The following KRT83 variants were observed in gnomAD, a reference collection of about 807,000 sequenced individuals.
KRT83 encodes keratin 83, also known as keratin, type II cuticular Hb3.
Under a neutral mutation model 52.9 loss-of-function variants are expected in KRT83, and 51 were observed. That is an observed-to-expected ratio of 0.96 (90% CI 0.77 to 1.22). The LOEUF is 1.22. KRT83 is among the 50% of genes most tolerant of loss of function. The pLI is 0.00. For missense variants in KRT83, 654 were observed against 666.5 expected, an observed-to-expected ratio of 0.98 and a Z score of 0.21; for synonymous variants, 278 against 274.1, an observed-to-expected ratio of 1.01 and a Z score of -0.14.
chr12:52,320,708 T>C (rs534809742), intron 1 of KRT83, among the ~76,000 whole-genome samples: 9 of 152,314 alleles, frequency 5.9e-5, no homozygotes, highest in Admixed American at 2.6e-4. Context: ...ATATTATCAC[T>C]CAGTGTGGAA....
At chr12:52,317,806 G>T (rs117028083) in intron 3 of KRT83, 30 bp from the exon 4 acceptor site, 7 of 1,613,242 alleles carry the variant, frequency 4.3e-6, no homozygotes, top group Non-Finnish European at 5.9e-6. Context: ...CTGTGAGGCC[G>T]GCTTTCCTCA....
Position 52,315,995 on chromosome 12 carries a change from A to G in KRT83, c.1160T>C (p.Met387Thr). ...EGALQKAKQD[M>T]ACLIREYQEV... The stretch of plus-strand genomic sequence containing the variant: ...CTGGTACTCCCTGATCAGGCAGGCC[A>G]TGTCTTGCTTGGCCTTCTGCAGGGC... Residue 387 changes from methionine (M) to threonine (T), a missense_variant, in exon 7 of 9, where the codon ATG becomes ACG. Met to Thr is a moderately conservative substitution (Grantham distance 81). Coordinates refer to ENST00000293670, the MANE Select transcript of KRT83 (RefSeq NM_002282.3). 1 of 1,613,286 alleles carries G rather than the reference A, an allele frequency of 6.2e-7. No homozygotes were observed. The highest frequency in any genetic ancestry group is 1.3e-5 in the African/African-American group (1 of 74,998).
chr12:52,318,174 T>C (rs898476076), intron 2 of KRT83, among the ~76,000 whole-genome samples: 1 of 151,854 alleles, frequency 6.6e-6, no homozygotes, highest in Non-Finnish European at 1.5e-5. Context: ...ACTCCCCTGT[T>C]TTTTTTTGTT....
At chr12:52,319,550 G>T (rs1219917865) in intron 1 of KRT83, among the ~76,000 whole-genome samples, 186 bp from the exon 2 acceptor site, 2 of 152,210 alleles carry the variant, frequency 1.3e-5, no homozygotes, top group Non-Finnish European at 2.9e-5. Context: ...AGTTCTTCCT[G>T]GGAGTTAATC....
rs553152302 is a variant in KRT83 at position 52,316,491 on chromosome 12, C to T, written c.1018G>A (p.Glu340Lys). Residue 340 changes from glutamate to lysine, a missense_variant, in exon 6 of 9, where the codon GAG becomes AAG. Physicochemically the swap from Glu to Lys is moderately conservative, Grantham distance 56. Coordinates refer to ENST00000293670, the MANE Select transcript of KRT83 (RefSeq NM_002282.3). ...LNRMIQRLTA[E>K]VENAKCQNSK... Reference sequence around the variant, plus strand: ...ACCTGGCACTTGGCATTCTCCACCTCGGCTGTCAGCCTCTGGATCATGCGG... The same window carrying T: ...ACCTGGCACTTGGCATTCTCCACCTTGGCTGTCAGCCTCTGGATCATGCGG... 66 of 1,614,140 alleles carry T rather than the reference C, an allele frequency of 4.1e-5. No individual in the cohort carries two copies. Among genetic ancestry groups the T allele is most frequent in the African/African-American group, 2.8e-4 (21 of 75,018 alleles).
intron 1 of KRT83, among the ~76,000 whole-genome samples, chr12:52,319,727 G>A (rs1938742490): frequency 6.6e-6 from 1 of 152,168 alleles, no homozygotes; most frequent in Non-Finnish European, 1.5e-5. Context: ...TAACAGAAAG[G>A]CACCCCACAC....
In KRT83 at chr12:52,321,312, T is replaced by C. The variant is rs550281827; in HGVS notation, c.24A>G (p.Ile8Met). The change falls in exon 1 of 9, where the codon ATA (isoleucine) becomes ATG (methionine). Residue 8 changes from isoleucine (I) to methionine (M), a missense_variant. Physicochemically the swap from Ile to Met is conservative, Grantham distance 10. Coordinates refer to ENST00000293670, the MANE Select transcript of KRT83 (RefSeq NM_002282.3). ...AGTTTCCAGGGCGGAACCCACAGCC[T>C]ATGGAGTTGAAGCCACAGGTCATGA... MTCGFNSIGCGFRPGNFS... is the reference protein window; with the variant it reads MTCGFNSMGCGFRPGNFS... 1.2e-6 allele frequency: 2 copies of C among 1,613,648 alleles called. No homozygotes were observed. The highest frequency in any genetic ancestry group is 1.3e-5 in the African/African-American group (1 of 75,046).
chr12:52,314,456 G>T lies in KRT83; in HGVS notation c.*175C>A, dbSNP rs548698510. Reference sequence around the variant, plus strand: ...GGAATGGGTCTATTCCCCAGCCACAGGCCCCTTTCCAGTGGGATGAAAGGT... The same window carrying T: ...GGAATGGGTCTATTCCCCAGCCACATGCCCCTTTCCAGTGGGATGAAAGGT... On this transcript the variant is annotated 3_prime_UTR_variant, in exon 9 of 9. Coordinates refer to ENST00000293670, the MANE Select transcript of KRT83 (RefSeq NM_002282.3). 8.7e-5 allele frequency: 60 copies of T among 689,702 alleles called. No individual in the cohort carries two copies. The African/African-American group carries it at 9.5e-4, about 11-fold the overall frequency. 42.7% of individuals were successfully genotyped at this position (689,702 alleles called of 1,614,324 possible).
chr12:52,318,208 C>G (rs1411744334), intron 2 of KRT83, among the ~76,000 whole-genome samples: 2 of 152,018 alleles, frequency 1.3e-5, no homozygotes, highest in Admixed American at 1.3e-4. Context: ...TGGAGTCTCG[C>G]TCTGTCGCCC....
intron 4 of KRT83, 33 bp downstream of exon 4, chr12:52,317,648 G>A: frequency 6.2e-6 from 10 of 1,605,810 alleles, no homozygotes; most frequent in Non-Finnish European, 8.5e-6. Flanking sequence ...CCCATGGGGG[G>A]ATCTGTGCCC....
chr12:52,317,879 G>A (rs935332752), intron 3 of KRT83, 31 bp downstream of exon 3: 1 of 1,613,328 alleles, frequency 6.2e-7, no homozygotes. Flanking sequence ...GGGACTCAGG[G>A]CGGGCTCAGG....
intron 2 of KRT83, among the ~76,000 whole-genome samples, chr12:52,318,286 C>G (rs1477390826): frequency 1.3e-5 from 2 of 152,086 alleles, no homozygotes; most frequent in Non-Finnish European, 2.9e-5. Context: ...TGCCATTCTC[C>G]CCTCTCAGCC....
rs753686095 is a variant in KRT83, at chr12:52,317,696, C to T, written c.735G>A (p.Arg245=). 1 of 1,612,640 alleles carries T rather than the reference C, an allele frequency of 6.2e-7. No individual in the cohort carries two copies. The highest frequency in any genetic ancestry group is 1.3e-5 in the African/African-American group (1 of 75,002). ...EALIQEIDFL[R]RLYEEEIRIL... is the part of the protein sequence containing the mutation. ...AGCCCCTCACCTCCTCGTACAGCCGCCTCAGGAAGTCAATCTCCTGGATCA... is the reference window on the plus strand; with the variant it reads ...AGCCCCTCACCTCCTCGTACAGCCGTCTCAGGAAGTCAATCTCCTGGATCA... The change falls in exon 4 of 9, where the codon AGG becomes AGA. Residue 245 remains arginine, a synonymous_variant. Coordinates refer to ENST00000293670, the MANE Select transcript of KRT83 (RefSeq NM_002282.3).
chr12:52,320,836 T>C, intron 1 of KRT83, 116 bp downstream of exon 1: 1 of 1,600,418 alleles, frequency 6.2e-7, no homozygotes, highest in Admixed American at 1.7e-5. Flanking sequence ...ACCTTTCCCT[T>C]TGGCCTGGGA....
intron 1 of KRT83, among the ~76,000 whole-genome samples, chr12:52,320,430 A>T (rs1938752187): frequency 6.6e-6 from 1 of 152,166 alleles, no homozygotes; most frequent in African/African-American, 2.4e-5. Context: ...GCCTGTGAGG[A>T]TGGGGACCAT....
Position 52,314,530 on chromosome 12 carries a change from C to T in KRT83, c.*101G>A. The T allele has an allele frequency of 1.8e-6, 2 of 1,120,974 alleles. No homozygotes were observed. The highest frequency in any genetic ancestry group is 4.0e-5 in the Admixed American group (2 of 50,484). 69.4% of individuals were successfully genotyped at this position (1,120,974 alleles called of 1,614,324 possible). ...GAGCCGATGGTGTATTCTCAGAACA[C>T]AAGGGGAAAAGCCAGCGATGTGCTG... On this transcript the variant is annotated 3_prime_UTR_variant, in exon 9 of 9. Transcript: ENST00000293670.
intron 2 of KRT83, 79 bp downstream of exon 2, chr12:52,319,074 TGCA>T: frequency 6.3e-7 from 1 of 1,599,218 alleles, no homozygotes; most frequent in South Asian, 1.1e-5. Context: ...AGATGCCAGC[TGCA>T]GACTGGATAC....
In KRT83 at chr12:52,317,749, A is replaced by ACTTG. The variant is rs1299964628; in HGVS notation, c.678_681dup (p.Ser228GlnfsTer16). 6.2e-7 allele frequency: 1 copy of ACTTG among 1,613,616 alleles called. No individual in the cohort carries two copies. The highest frequency in any genetic ancestry group is 8.5e-7 in the Non-Finnish European group (1 of 1,179,966). ...GCCTCCACGTTGGCCTCCAGGTCTG[A>ACTTG]CTTGCGGAGGTAGGCGCAGTCCACA... is the stretch of plus-strand genomic sequence containing the variant. On this transcript the variant is annotated frameshift_variant, in exon 4 of 9. Coordinates refer to ENST00000293670, the MANE Select transcript of KRT83 (RefSeq NM_002282.3). LOFTEE classifies it high-confidence loss of function.
At chr12:52,316,266 A>ACACACACACACACACG (rs1390041371) in intron 6 of KRT83, among the ~76,000 whole-genome samples, 153 bp from the exon 7 acceptor site, 1 of 119,436 alleles carries the variant, frequency 8.4e-6, no homozygotes, top group Non-Finnish European at 1.8e-5. Context: ...TACACTACAC[A>ACACACACACACACACG]CACACACACA....
Sources: allele counts gnomAD v4.1 joint callset (sites outside exome capture counted in the v4.1 genomes callset), GRCh38; gene constraint gnomAD v4.1.1; transcripts MANE v1.5; gene names NCBI Gene and HGNC (gene_info 2026-07-23, HGNC 2026-07-21).